MON2: variants seen among roughly 807,000 people sequenced by gnomAD.
The protein encoded by MON2 is protein MON2 homolog.
A neutral mutation model predicts 208.6 loss-of-function variants in MON2; 84 were observed. The ratio of observed to expected loss-of-function variants is 0.40; its 90% CI spans 0.34 to 0.48. The LOEUF (loss-of-function observed/expected upper bound fraction) is 0.48. MON2 is among the 20% of genes least tolerant of loss of function. The pLI, the probability that MON2 is intolerant of heterozygous loss-of-function variation, is 0.59. For missense variants in MON2, 1,611 were observed against 2,015.4 expected, an observed-to-expected ratio of 0.80 and a Z score of 3.84; for synonymous variants, 660 against 694.0, an observed-to-expected ratio of 0.95 and a Z score of 0.77.
Position 62,597,124 on chromosome 12 carries a change from G to A in MON2, c.*4375G>A, listed in dbSNP as rs552506976. 2 of 152,192 alleles carry A rather than the reference G, an allele frequency of 1.3e-5. No homozygotes were observed. Among genetic ancestry groups the A allele is most frequent in the African/African-American group, 2.4e-5 (1 of 41,448 alleles). 9.4% of individuals were successfully genotyped at this position (152,192 alleles called of 1,614,324 possible). On this transcript the variant is annotated 3_prime_UTR_variant, in exon 35 of 35. Coordinates refer to ENST00000393630, the MANE Select transcript of MON2 (RefSeq NM_015026.3). Reference sequence around the variant, plus strand: ...GAGTGTGGAGTTGATTTTAATGACAGGGTAATTCAAGTTGTTTGATAAATT... The same window carrying A: ...GAGTGTGGAGTTGATTTTAATGACAAGGTAATTCAAGTTGTTTGATAAATT...
At chr12:62,557,583 T>C (rs751838134) in intron 25 of MON2, among the ~76,000 whole-genome samples, 4 of 152,224 alleles carry the variant, frequency 2.6e-5, no homozygotes, top group Non-Finnish European at 4.4e-5. Flanking sequence ...TACATAGTTA[T>C]GAGCATGTTG....
At chr12:62,571,638 T>G (rs901610223) in intron 30 of MON2, 56 bp downstream of exon 30, 1 of 1,384,316 alleles carries the variant, frequency 7.2e-7, no homozygotes, top group African/African-American at 1.4e-5. Context: ...TATCTTCAGT[T>G]GCTCTAAAAA....
At position 62,571,487 on chromosome 12, in the gene MON2, G is replaced by T; in HGVS notation, c.4419G>T (p.Gly1473=). The change falls in exon 30 of 35, where the codon GGG becomes GGT. Residue 1473 remains glycine (G), a synonymous_variant. Transcript: ENST00000393630. ...VSSLLRVLSI[G]LPVARQHASS... ...CTCTCCTCAGAGTTCTTTCTATTGG[G>T]CTACCTGTTGCCCGGCAGCATGCTT... The T allele has an allele frequency of 6.2e-7, 1 of 1,613,824 alleles. No individual in the cohort carries two copies. The highest frequency in any genetic ancestry group is 8.5e-7 in the Non-Finnish European group (1 of 1,179,848).
chr12:62,566,585 C>T (rs562644944), intron 29 of MON2, 135 bp downstream of exon 29: 5 of 936,584 alleles, frequency 5.3e-6, no homozygotes, highest in African/African-American at 5.2e-5. Flanking sequence ...TGACTTTTCT[C>T]CAATATTCAT....
At chr12:62,490,141 C>A in intron 2 of MON2, 1 of 355,096 alleles carries the variant, frequency 2.8e-6, no homozygotes, top group Non-Finnish European at 5.2e-6. Flanking sequence ...ATCATTTGAT[C>A]TCACAGTTGT....
chr12:62,561,944 A>G (rs2074212943), intron 26 of MON2, among the ~76,000 whole-genome samples: 1 of 152,144 alleles, frequency 6.6e-6, no homozygotes, highest in Non-Finnish European at 1.5e-5. Context: ...CTGTATGATG[A>G]TACCTCTTAA....
At chr12:62,587,384 A>C (rs1185916079) in intron 33 of MON2, among the ~76,000 whole-genome samples, 2 of 152,056 alleles carry the variant, frequency 1.3e-5, no homozygotes, top group African/African-American at 2.4e-5. Context: ...TAGTTTAAAA[A>C]AAAAAAAACT....
At chr12:62,563,058 T>G (rs2074256220) in intron 26 of MON2, among the ~76,000 whole-genome samples, 1 of 152,194 alleles carries the variant, frequency 6.6e-6, no homozygotes, top group Non-Finnish European at 1.5e-5. Flanking sequence ...CTTAGTCAGA[T>G]GGCTGGATAC....
Position 62,519,884 on chromosome 12 carries a change from C to T in MON2, c.985-4631C>T, listed in dbSNP as rs192226947. Reference sequence around the variant, plus strand: ...TGGCTGGAGTGCCGTGGCGTGATCTCGGCTCACTGTAAACTCCGCCTCCTG... The same window carrying T: ...TGGCTGGAGTGCCGTGGCGTGATCTTGGCTCACTGTAAACTCCGCCTCCTG... On this transcript the variant is annotated intron_variant, in intron 8 of 34. Coordinates refer to ENST00000393630, the MANE Select transcript of MON2 (RefSeq NM_015026.3). 2.6e-5 allele frequency among the ~76,000 whole-genome samples: 4 copies of T among 152,342 alleles called. No homozygotes were observed. In the East Asian group the frequency reaches 5.8e-4, roughly 22 times the overall value.
chr12:62,483,065 C>T (rs939853438), intron 1 of MON2: 1 of 151,992 alleles, frequency 6.6e-6, no homozygotes, highest in African/African-American at 2.4e-5. Flanking sequence ...TAAAAAGAAA[C>T]AGACATTTAA....
chr12:62,488,965 G>A (rs560456050), intron 2 of MON2, among the ~76,000 whole-genome samples: 1 of 151,886 alleles, frequency 6.6e-6, no homozygotes, highest in Non-Finnish European at 1.5e-5. Flanking sequence ...AAACCTGCAC[G>A]TTCTGCACAT....
In MON2 at chr12:62,503,462, G is replaced by T. The variant is rs537464980; in HGVS notation, c.789+1764G>T. On this transcript the variant is annotated intron_variant, in intron 7 of 34. Coordinates refer to ENST00000393630, the MANE Select transcript of MON2 (RefSeq NM_015026.3). ...TGTTGGCTTCCTAACTGGTCTGCTTGCATATATGTTAATACTTGTACCACT... is the reference window on the plus strand; with the variant it reads ...TGTTGGCTTCCTAACTGGTCTGCTTTCATATATGTTAATACTTGTACCACT... Among the ~76,000 whole-genome samples the T allele has an allele frequency of 4.6e-5, 7 of 152,260 alleles. No homozygotes were observed. In the South Asian group the frequency reaches 1.4e-3, roughly 32 times the overall value.
At chr12:62,557,960 A>G (rs1290424952) in intron 25 of MON2, among the ~76,000 whole-genome samples, 1 of 24,474 alleles carries the variant, frequency 4.1e-5, no homozygotes, top group African/African-American at 2.6e-4. Flanking sequence ...ATATATATAT[A>G]TATTTTTTTT....
At chr12:62,591,428 G>A (rs1383405971) in intron 34 of MON2, among the ~76,000 whole-genome samples, 1 of 152,138 alleles carries the variant, frequency 6.6e-6, no homozygotes, top group Non-Finnish European at 1.5e-5. Flanking sequence ...ACTAAGGCAT[G>A]AACATTGATG....
At chr12:62,474,579 C>T (rs934473431) in intron 1 of MON2, among the ~76,000 whole-genome samples, 3 of 151,858 alleles carry the variant, frequency 2.0e-5, no homozygotes, top group Non-Finnish European at 4.4e-5. Context: ...TGCCCATCAC[C>T]ATGTCTGGCT....
intron 8 of MON2, among the ~76,000 whole-genome samples, chr12:62,517,116 C>T (rs1173198239): frequency 6.6e-6 from 1 of 152,132 alleles, no homozygotes; most frequent in African/African-American, 2.4e-5. Context: ...AATACCACTT[C>T]CTCACTTGTT....
chr12:62,505,832 A>C (rs1049561958), intron 7 of MON2, among the ~76,000 whole-genome samples: 2 of 152,158 alleles, frequency 1.3e-5, no homozygotes, highest in African/African-American at 4.8e-5. Flanking sequence ...TCAAGGCTGC[A>C]GTGAGCCATG....
chr12:62,571,620 G>T, intron 30 of MON2, 38 bp downstream of exon 30: 2 of 1,491,844 alleles, frequency 1.3e-6, no homozygotes, highest in Non-Finnish European at 9.2e-7. Flanking sequence ...ACAAGAAGTG[G>T]CACATTATAT....
intron 31 of MON2, among the ~76,000 whole-genome samples, chr12:62,579,847 A>G (rs1481508067): frequency 6.6e-6 from 1 of 152,266 alleles, no homozygotes; most frequent in Middle Eastern, 3.2e-3. Flanking sequence ...GGGCAAAATA[A>G]CATACTACAT....
Sources: allele counts gnomAD v4.1 joint callset (sites outside exome capture counted in the v4.1 genomes callset), GRCh38; gene constraint gnomAD v4.1.1; transcripts MANE v1.5; gene names NCBI Gene and HGNC (gene_info 2026-07-23, HGNC 2026-07-21).